Variants in WWP2 observed in about 807,000 individuals in gnomAD.
WWP2 encodes the protein NEDD4-like E3 ubiquitin-protein ligase WWP2.
A neutral mutation model predicts 121.0 loss-of-function variants in WWP2; 57 were observed. The observed-to-expected ratio is 0.47, with a 90% CI of 0.38 to 0.59. The LOEUF (loss-of-function observed/expected upper bound fraction) is 0.59, where lower values mean the gene tolerates loss of function less well. WWP2 is among the 20% of genes least tolerant of loss of function. WWP2 has a pLI of 0.00. For synonymous variants in WWP2, 449 were observed against 441.3 expected, an observed-to-expected ratio of 1.02 and a Z score of -0.22; for missense variants, 962 against 1,158.9, an observed-to-expected ratio of 0.83 and a Z score of 2.47.
chr16:69,914,914 C>T (rs1038175537), intron 9 of WWP2, among the ~76,000 whole-genome samples: 6 of 152,160 alleles, frequency 3.9e-5, no homozygotes, highest in South Asian at 4.1e-4. Context: ...CATGATTTAT[C>T]GCACCAAATC....
At position 69,881,792 on chromosome 16, in the gene WWP2, A is replaced by G. The variant is rs191567486; in HGVS notation, c.704-6247A>G. Among the ~76,000 whole-genome samples the G allele has an allele frequency of 8.0e-3, 1,215 of 152,318 alleles. 16 individuals are homozygous for G. The highest frequency in any genetic ancestry group is 0.027 in the African/African-American group (1,104 of 41,576). On this transcript the variant is annotated intron_variant, in intron 7 of 23. Transcript: ENST00000359154. ...CTGCAGCCTCCCCTTCCTGGGCTCA[A>G]GCGATTCTCCTGCCTTAGCCTCCCG...
intron 4 of WWP2, among the ~76,000 whole-genome samples, chr16:69,817,851 C>T (rs2056524329): frequency 6.6e-6 from 1 of 151,912 alleles, no homozygotes; most frequent in African/African-American, 2.4e-5. Flanking sequence ...CCTCCTCAGC[C>T]TCCCAAAGTG....
At chr16:69,903,849 T>A (rs930050232) in intron 8 of WWP2, among the ~76,000 whole-genome samples, 1 of 152,178 alleles carries the variant, frequency 6.6e-6, no homozygotes, top group Admixed American at 6.5e-5. Flanking sequence ...ATTTTGTCTT[T>A]ATAAAAGGGG....
At position 69,767,596 on chromosome 16, in the gene WWP2, G is replaced by A. The variant is rs141637747; in HGVS notation, c.-16+5205G>A. ...TAAAGTGAAAACACGTTGCAAGAAA[G>A]CAATGGGCAGCACAGCAGAGAAGGG... On this transcript the variant is annotated intron_variant, in intron 1 of 23. Transcript: ENST00000359154. 2.2e-3 allele frequency among the ~76,000 whole-genome samples: 336 copies of A among 152,318 alleles called. 2 individuals are homozygous for A. Among genetic ancestry groups the A allele is most frequent in the South Asian group, 5.6e-3 (27 of 4,824 alleles).
intron 3 of WWP2, 156 bp downstream of exon 3, chr16:69,798,985 G>A: frequency 7.6e-7 from 1 of 1,323,826 alleles, no homozygotes; most frequent in Non-Finnish European, 1.0e-6. Flanking sequence ...CTACACCATT[G>A]AGCTCATAGA....
At chr16:69,877,952 C>T (rs1455519586) in intron 7 of WWP2, among the ~76,000 whole-genome samples, 3 of 152,010 alleles carry the variant, frequency 2.0e-5, no homozygotes, top group Non-Finnish European at 4.4e-5. Context: ...GGATTATAGG[C>T]GCGTGCCACC....
In WWP2 at chr16:69,870,000, T is replaced by A. The variant is rs147710712; in HGVS notation, c.576-1804T>A. 7.6e-3 allele frequency among the ~76,000 whole-genome samples: 1,150 copies of A among 152,292 alleles called. 17 individuals carry two copies. The highest frequency in any genetic ancestry group is 0.025 in the African/African-American group (1,042 of 41,564). ...CAACAAAAAAATAGCCCAAGAGGAA[T>A]TTAGCTTGAGTTCAGGCTTCCTGTC... On this transcript the variant is annotated intron_variant, in intron 6 of 23. Transcript: ENST00000359154.
rs559768112 is a variant in WWP2, at chr16:69,772,961, G to A, written c.-16+10570G>A. Among the ~76,000 whole-genome samples, 31 of 152,084 alleles carry A rather than the reference G, an allele frequency of 2.0e-4. 1 individual carries two copies. In the South Asian group the frequency reaches 6.0e-3, roughly 29 times the overall value. Reference sequence around the variant, plus strand: ...GTTGTGTTTTTTTCCCTTTCTGTGGGTTTTCACCTTTTTGTATTGCTTCCT... The same window carrying A: ...GTTGTGTTTTTTTCCCTTTCTGTGGATTTTCACCTTTTTGTATTGCTTCCT... On this transcript the variant is annotated intron_variant, in intron 1 of 23. Coordinates refer to ENST00000359154, the MANE Select transcript of WWP2 (RefSeq NM_001270454.2).
At chr16:69,807,057 T>G (rs2056293515) in intron 4 of WWP2, among the ~76,000 whole-genome samples, 1 of 151,916 alleles carries the variant, frequency 6.6e-6, no homozygotes, top group Middle Eastern at 3.2e-3. Flanking sequence ...AGATGGAGTT[T>G]ATCTCTTTTT....
At chr16:69,815,803 A>AG (rs2056479393) in intron 4 of WWP2, among the ~76,000 whole-genome samples, 1 of 151,490 alleles carries the variant, frequency 6.6e-6, no homozygotes, top group South Asian at 2.1e-4. Context: ...AAAAAAAAAA[A>AG]GGCAATGGAA....
intron 6 of WWP2, among the ~76,000 whole-genome samples, chr16:69,847,852 A>G (rs1470047974): frequency 2.0e-5 from 3 of 152,078 alleles, no homozygotes; most frequent in Non-Finnish European, 4.4e-5. Context: ...ACTCTGCCAC[A>G]TTGGGAATCA....
At chr16:69,795,333 G>A (rs1490393368) in intron 2 of WWP2, among the ~76,000 whole-genome samples, 1 of 151,846 alleles carries the variant, frequency 6.6e-6, no homozygotes, top group Non-Finnish European at 1.5e-5. Context: ...ATAACCTTTG[G>A]TGTCCAATAG....
intron 17 of WWP2, among the ~76,000 whole-genome samples, chr16:69,934,564 A>G (rs2058767154): frequency 6.6e-6 from 1 of 151,900 alleles, no homozygotes; most frequent in Non-Finnish European, 1.5e-5. Context: ...GGGCCAGGTG[A>G]AACCATAGCT....
At chr16:69,930,478 C>T (rs2058695838) in intron 13 of WWP2, among the ~76,000 whole-genome samples, 1 of 151,994 alleles carries the variant, frequency 6.6e-6, no homozygotes, top group Non-Finnish European at 1.5e-5. Flanking sequence ...ACCGTGTCTC[C>T]ACAACAATAA....
At chr16:69,914,793 T>A (rs1227603861) in intron 9 of WWP2, among the ~76,000 whole-genome samples, 1 of 152,166 alleles carries the variant, frequency 6.6e-6, no homozygotes, top group Non-Finnish European at 1.5e-5. Flanking sequence ...TGTCTAGAAA[T>A]CAACTTTGAG....
intron 4 of WWP2, among the ~76,000 whole-genome samples, chr16:69,819,291 A>G (rs1227211510): frequency 4.6e-5 from 7 of 152,132 alleles, no homozygotes; most frequent in African/African-American, 7.2e-5. Flanking sequence ...GTCAAATTGT[A>G]TTGCTACTCC....
At chr16:69,883,243 C>G (rs2057862472) in intron 7 of WWP2, among the ~76,000 whole-genome samples, 1 of 152,106 alleles carries the variant, frequency 6.6e-6, no homozygotes, top group South Asian at 2.1e-4. Context: ...CTATTTGAAG[C>G]CTCATTAGAC....
chr16:69,864,695 G>A (rs1032799066), intron 6 of WWP2, among the ~76,000 whole-genome samples: 7 of 149,010 alleles, frequency 4.7e-5, no homozygotes, highest in African/African-American at 9.9e-5. Context: ...GATTACAGGC[G>A]CCAGCCACTA....
chr16:69,935,856 C>G lies in WWP2; in HGVS notation c.1846C>G (p.Leu616Val). The G allele has an allele frequency of 1.9e-6, 3 of 1,612,892 alleles. No individual in the cohort carries two copies. The highest frequency in any genetic ancestry group is 2.5e-6 in the Non-Finnish European group (3 of 1,179,374). The change falls in exon 18 of 24, where the codon CTG becomes GTG. Residue 616 changes from leucine (L) to valine (V), a missense_variant. Leu to Val is a conservative substitution (Grantham distance 32). Transcript: ENST00000359154. The surrounding 1 kb of genome is among the most constrained non-coding windows in gnomAD (Gnocchi z 5.2). ...RFIGRFIAMA[L>V]YHGKFIDTGF... is the part of the protein sequence containing the mutation. ...TGCTGTGCCTCTTCCTTCCCAGGCG[C>G]TGTACCATGGAAAGTTCATCGACAC...
Sources: allele counts gnomAD v4.1 joint callset (sites outside exome capture counted in the v4.1 genomes callset), GRCh38; gene constraint gnomAD v4.1.1; non-coding constraint Gnocchi (gnomAD v3.1); transcripts MANE v1.5; gene names NCBI Gene and HGNC (gene_info 2026-07-23, HGNC 2026-07-21).